RAB39A: variants seen among roughly 807,000 people sequenced by gnomAD.
RAB39A encodes RAB39A, member RAS oncogene family, also known as ras-related protein Rab-39A.
In RAB39A, 17 loss-of-function variants were observed where a neutral mutation model predicts 20.9. That is an observed-to-expected ratio of 0.81 (90% CI 0.56 to 1.22). The LOEUF is 1.22. Ranked by LOEUF, RAB39A falls within the 50% of genes most tolerant of loss-of-function variation. RAB39A has a pLI of 0.00. For synonymous variants in RAB39A, 99 were observed against 103.4 expected (o/e 0.96, Z 0.26); for missense variants, 234 against 270.5 (o/e 0.87, Z 0.95).
At chr11:107,946,456 ATATATTTTTTTTTTTTT>A (rs1861318388) in intron 1 of RAB39A, among the ~76,000 whole-genome samples, 1 of 43,550 alleles carries the variant, frequency 2.3e-5, no homozygotes, top group African/African-American at 7.5e-5. Flanking sequence ...ATATATATAT[ATATATTTTTTTTTTTTT>A]TTTTTTTTTT....
Position 107,932,738 on chromosome 11 carries a change from A to C in RAB39A, c.227+3943A>C, listed in dbSNP as rs58295671. Among the ~76,000 whole-genome samples the C allele has an allele frequency of 6.5e-3, 993 of 152,148 alleles. 11 individuals carry two copies. Among genetic ancestry groups the C allele is most frequent in the African/African-American group, 0.023 (943 of 41,502 alleles). On this transcript the variant is annotated intron_variant, in intron 1 of 1. Coordinates refer to ENST00000320578, the MANE Select transcript of RAB39A (RefSeq NM_017516.3). ...TGGTTTTGTTTTGTTTTTTGAGACA[A>C]TCTCGCTCTCTCATCCAGGCTGGGT...
chr11:107,947,484 T>C (rs1470987812), intron 1 of RAB39A, among the ~76,000 whole-genome samples: 1 of 151,850 alleles, frequency 6.6e-6, no homozygotes, highest in African/African-American at 2.4e-5. Flanking sequence ...TCCAGAAAGA[T>C]AGAAGAGAAA....
At chr11:107,954,541 TA>T (rs901532570) in intron 1 of RAB39A, among the ~76,000 whole-genome samples, 1 of 152,196 alleles carries the variant, frequency 6.6e-6, no homozygotes. Context: ...CTGGAAAAAG[TA>T]AACAGTGAGA....
At chr11:107,959,330 C>A (rs1861471737) in intron 1 of RAB39A, among the ~76,000 whole-genome samples, 1 of 152,074 alleles carries the variant, frequency 6.6e-6, no homozygotes, top group Admixed American at 6.6e-5. Flanking sequence ...AAGAACATAG[C>A]CTTAATTAGA....
intron 1 of RAB39A, among the ~76,000 whole-genome samples, chr11:107,946,432 GTGTGTATATATA>G (rs1477158142): frequency 4.7e-3 from 100 of 21,166 alleles, no homozygotes; most frequent in Admixed American, 9.1e-3. Flanking sequence ...GTGTGTGTGT[GTGTGTATATATA>G]TATATATATA....
At chr11:107,943,821 G>A (rs1324361997) in intron 1 of RAB39A, among the ~76,000 whole-genome samples, 1 of 152,136 alleles carries the variant, frequency 6.6e-6, no homozygotes, top group East Asian at 1.9e-4. Context: ...GAGGCTGGGT[G>A]CAGTGGCTCA....
At chr11:107,930,339 C>T (rs938819222) in intron 1 of RAB39A, among the ~76,000 whole-genome samples, 1 of 152,060 alleles carries the variant, frequency 6.6e-6, no homozygotes, top group African/African-American at 2.4e-5. Flanking sequence ...CCAGTTTTAC[C>T]ATTCTAAGTT....
chr11:107,932,005 A>C (rs1861142730), intron 1 of RAB39A, among the ~76,000 whole-genome samples: 1 of 150,572 alleles, frequency 6.6e-6, no homozygotes, highest in Non-Finnish European at 1.5e-5. Flanking sequence ...GACTACAGAC[A>C]CACACCACCA....
rs2134942860 is a variant in RAB39A, at chr11:107,928,979, G to C, written c.227+184G>C. Among the ~76,000 whole-genome samples the C allele has an allele frequency of 2.0e-5, 3 of 152,012 alleles. 1 individual carries two copies. The South Asian group carries it at 6.2e-4, about 32-fold the overall frequency. On this transcript the variant is annotated intron_variant, in intron 1 of 1. Transcript: ENST00000320578. The surrounding 1 kb of genome is among the most constrained non-coding windows in gnomAD (Gnocchi z 4.9). Reference sequence around the variant, plus strand: ...TCTTCCAGGGACGACTTCCTCCTCCGCAATTTCTCACTTCTTTCTTTGGCG... The same window carrying C: ...TCTTCCAGGGACGACTTCCTCCTCCCCAATTTCTCACTTCTTTCTTTGGCG...
chr11:107,946,773 C>A (rs1046899709), intron 1 of RAB39A, among the ~76,000 whole-genome samples: 1 of 151,032 alleles, frequency 6.6e-6, no homozygotes, highest in African/African-American at 2.4e-5. Flanking sequence ...CGCGCCCAGC[C>A]GATACTATTT....
chr11:107,933,813 G>C (rs527425142), intron 1 of RAB39A, among the ~76,000 whole-genome samples: 1 of 151,168 alleles, frequency 6.6e-6, no homozygotes, highest in Non-Finnish European at 1.5e-5. Flanking sequence ...GGCGCCCCAA[G>C]CTCAACTAAT....
rs146648885 is a variant in RAB39A at position 107,962,241 on chromosome 11, A to C, written c.523A>C (p.Ile175Leu). The change falls in exon 2 of 2, where the codon ATA becomes CTA. Residue 175 changes from isoleucine (I) to leucine (L), a missense_variant. By Grantham distance (5) the Ile-to-Leu change is conservative. Transcript: ENST00000320578. ...EESFTILTRD[I>L]YELIKKGEIC... ...ATCCTTCACAATCTTGACGAGAGACATATATGAACTTATTAAAAAGGGAGA... is the reference window on the plus strand; with the variant it reads ...ATCCTTCACAATCTTGACGAGAGACCTATATGAACTTATTAAAAAGGGAGA... 6.2e-7 allele frequency: 1 copy of C among 1,613,882 alleles called. No individual in the cohort carries two copies. The highest frequency in any genetic ancestry group is 8.5e-7 in the Non-Finnish European group (1 of 1,179,974).
Position 107,951,615 on chromosome 11 carries a change from AT to A in RAB39A, c.228-10310del, listed in dbSNP as rs4028253. 8.0e-4 allele frequency among the ~76,000 whole-genome samples: 85 copies of A among 105,658 alleles called. 1 individual carries two copies. The highest frequency in any genetic ancestry group is 2.1e-3 in the African/African-American group (58 of 27,248). The allele number at this position is 105,658 out of a possible 152,430, so 69.3% of individuals were successfully genotyped here. On this transcript the variant is annotated intron_variant, in intron 1 of 1. Transcript: ENST00000320578. ...ATCTATATAATCTTGCCATTTTCAG[AT>A]TTTTTTTTTTTTTTTTTTTTGGAGA...
chr11:107,928,718 C>A lies in RAB39A; in HGVS notation c.150C>A (p.Phe50Leu), dbSNP rs139575656. The change falls in exon 1 of 2, where the codon TTC becomes TTA. Residue 50 changes from phenylalanine to leucine, a missense_variant. Phe to Leu is a conservative substitution (Grantham distance 22). Transcript: ENST00000320578. This position sits in a 1 kb window ranked among gnomAD's most constrained non-coding sequence, Gnocchi z 4.9. Reference protein sequence around the residue: ...ACDPTVGVDFFSRLLEIEPGK... With the variant: ...ACDPTVGVDFLSRLLEIEPGK... The stretch of plus-strand genomic sequence containing the variant: ...ACCCCACCGTCGGCGTGGACTTCTT[C>A]TCCCGCCTGCTGGAGATCGAGCCGG... The A allele has an allele frequency of 2.5e-6, 4 of 1,610,276 alleles. No individual in the cohort carries two copies. Among genetic ancestry groups the A allele is most frequent in the African/African-American group, 1.3e-5 (1 of 74,872 alleles).
At position 107,928,592 on chromosome 11, in the gene RAB39A, G is replaced by A. The variant is rs1861105920; in HGVS notation, c.24G>A (p.Gln8=). Residue 8 remains glutamine (Q), a synonymous_variant, in exon 1 of 2, where the codon CAG becomes CAA. Transcript: ENST00000320578. This position sits in a 1 kb window ranked among gnomAD's most constrained non-coding sequence, Gnocchi z 4.9. The part of the protein sequence containing the change: METIWIY[Q]FRLIVIGDST... ...CGATGGAGACCATCTGGATCTACCA[G>A]TTCCGCCTCATCGTGATCGGGGACT... 5.7e-6 allele frequency: 9 copies of A among 1,581,902 alleles called. No homozygotes were observed. The highest frequency in any genetic ancestry group is 6.0e-6 in the Non-Finnish European group (7 of 1,157,282).
At chr11:107,946,293 T>TA (rs1459273219) in intron 1 of RAB39A, among the ~76,000 whole-genome samples, 1 of 133,798 alleles carries the variant, frequency 7.5e-6, no homozygotes, top group Non-Finnish European at 1.6e-5. Context: ...ATTGCAACCA[T>TA]AAAGGAACAG....
At chr11:107,936,536 A>G (rs1861196053) in intron 1 of RAB39A, among the ~76,000 whole-genome samples, 1 of 152,258 alleles carries the variant, frequency 6.6e-6, no homozygotes, top group South Asian at 2.1e-4. Context: ...TCTTAATTTT[A>G]AAAGCAAGCA....
At chr11:107,939,394 C>T (rs1297378471) in intron 1 of RAB39A, among the ~76,000 whole-genome samples, 2 of 149,402 alleles carry the variant, frequency 1.3e-5, no homozygotes, top group Non-Finnish European at 3.0e-5. Context: ...ATCACAAGGT[C>T]AGGAGATCGA....
rs562196565 is a variant in RAB39A at position 107,930,514 on chromosome 11, C to A, written c.227+1719C>A. 6.6e-5 allele frequency among the ~76,000 whole-genome samples: 10 copies of A among 152,320 alleles called. No individual in the cohort carries two copies. The South Asian group carries it at 2.1e-3, about 32-fold the overall frequency. ...TAACAGCTACTTTGAGTTGCAACTA[C>A]AAGACACATGGGTAATAAAATCTTA... On this transcript the variant is annotated intron_variant, in intron 1 of 1. Transcript: ENST00000320578.
Sources: gnomAD v4.1 joint callset for allele counts (sites outside exome capture counted in the v4.1 genomes callset) on GRCh38, gnomAD v4.1.1 for gene constraint, Gnocchi (gnomAD v3.1) non-coding constraint, MANE v1.5 for transcripts, NCBI Gene and HGNC (gene_info 2026-07-23, HGNC 2026-07-21) for gene names.